Variants in FCHO2 observed in about 807,000 individuals in gnomAD.
FCHO2 encodes FCH and mu domain containing endocytic adaptor 2, also known as F-BAR domain only protein 2.
In FCHO2, 43 loss-of-function variants were observed where a neutral mutation model predicts 114.1. The observed-to-expected ratio is 0.38, with a 90% CI of 0.30 to 0.49. FCHO2 has a LOEUF of 0.49. Ranked by LOEUF, FCHO2 falls within the 20% of genes least tolerant of loss-of-function variation. The pLI, the probability that FCHO2 is intolerant of heterozygous loss-of-function variation, is 0.97. For missense variants in FCHO2, 807 were observed against 950.4 expected (o/e 0.85, Z 1.98); for synonymous variants, 293 against 315.2 (o/e 0.93, Z 0.75).
intron 8 of FCHO2, among the ~76,000 whole-genome samples, chr5:73,030,045 G>T (rs1325435777): frequency 3.4e-4 from 46 of 135,228 alleles, no homozygotes; most frequent in East Asian, 4.3e-4. Flanking sequence ...CTTTCTTTTT[G>T]TTTTTTTTTT....
At chr5:73,069,868 AT>A (rs1742552228) in intron 19 of FCHO2, among the ~76,000 whole-genome samples, 1 of 152,128 alleles carries the variant, frequency 6.6e-6, no homozygotes, top group Non-Finnish European at 1.5e-5. Flanking sequence ...TGTTAGGATA[AT>A]AAAGCACAAA....
chr5:72,996,243 C>CAAAAAAAAAAAAAAAAAAAAAAAAAAAAA, intron 5 of FCHO2, among the ~76,000 whole-genome samples: 1 of 110,982 alleles, frequency 9.0e-6, no homozygotes, highest in Non-Finnish European at 1.8e-5. Context: ...AACTCTGTCT[C>CAAAAAAAAAAAAAAAAAAAAAAAAAAAAA]AAAAAAAAAA....
chr5:73,069,396 T>C (rs1162544187), intron 19 of FCHO2, among the ~76,000 whole-genome samples: 1 of 152,054 alleles, frequency 6.6e-6, no homozygotes, highest in Non-Finnish European at 1.5e-5. Context: ...CTCACCATAG[T>C]GTAGAATCAG....
intron 6 of FCHO2, among the ~76,000 whole-genome samples, chr5:73,012,026 C>T (rs1048899318): frequency 6.6e-6 from 1 of 152,172 alleles, no homozygotes; most frequent in East Asian, 1.9e-4. Flanking sequence ...AAGGATTACA[C>T]TCTAATAATA....
intron 2 of FCHO2, among the ~76,000 whole-genome samples, chr5:72,973,393 C>G (rs937418242): frequency 6.6e-6 from 1 of 152,132 alleles, no homozygotes; most frequent in Non-Finnish European, 1.5e-5. Context: ...TGTTATTGGT[C>G]TATTCAGAGA....
intron 5 of FCHO2, among the ~76,000 whole-genome samples, chr5:73,001,468 AAAAG>A (rs1754433764): frequency 2.6e-5 from 4 of 151,298 alleles, no homozygotes; most frequent in African/African-American, 7.3e-5. Context: ...AAAAAAAAAA[AAAAG>A]AAATGAAAAG....
chr5:73,042,252 T>C (rs576412905), intron 11 of FCHO2, among the ~76,000 whole-genome samples: 4 of 152,278 alleles, frequency 2.6e-5, no homozygotes, highest in African/African-American at 9.6e-5. Flanking sequence ...AGTTACAATG[T>C]TTACCTTACC....
At chr5:73,011,085 A>G (rs562697930) in intron 6 of FCHO2, among the ~76,000 whole-genome samples, 9 of 152,122 alleles carry the variant, frequency 5.9e-5, no homozygotes, top group Non-Finnish European at 1.0e-4. Context: ...AGTAAAAATC[A>G]GTATAAAAGA....
intron 22 of FCHO2, among the ~76,000 whole-genome samples, chr5:73,079,402 T>C (rs958193610): frequency 3.3e-5 from 5 of 152,098 alleles, no homozygotes; most frequent in Admixed American, 2.0e-4. Flanking sequence ...TATCCAGAAA[T>C]AGATCTAAGA....
At chr5:73,051,509 A>G in intron 12 of FCHO2, 103 bp downstream of exon 12, 1 of 674,744 alleles carries the variant, frequency 1.5e-6, no homozygotes, top group Non-Finnish European at 2.4e-6. Context: ...TTTATTAATT[A>G]TAAAATATGG....
chr5:73,074,090 A>C (rs1742801497), intron 19 of FCHO2, among the ~76,000 whole-genome samples: 1 of 151,982 alleles, frequency 6.6e-6, no homozygotes, highest in South Asian at 2.1e-4. Flanking sequence ...CACTTGCATA[A>C]ATTTGTTTAC....
In FCHO2 at chr5:73,068,669, C is replaced by T; in HGVS notation, c.1469C>T (p.Pro490Leu). 1 of 1,611,670 alleles carries T rather than the reference C, an allele frequency of 6.2e-7. No individual in the cohort carries two copies. Among genetic ancestry groups the T allele is most frequent in the Non-Finnish European group, 8.5e-7 (1 of 1,178,564 alleles). Residue 490 changes from proline to leucine, a missense_variant, in exon 19 of 26, where the codon CCT becomes CTT. Physicochemically the swap from Pro to Leu is moderately conservative, Grantham distance 98 (BLOSUM62 -3). Transcript: ENST00000430046. ...TTTAAGCCCAGGCCATTCAGCCCAC[C>T]TGTAACTTCCAACACCAGCCCACCT... Reference protein sequence around the residue: ...INEIPRPFSPPVTSNTSPPPA... With the variant: ...INEIPRPFSPLVTSNTSPPPA...
At chr5:72,957,049 A>G (rs1216874763) in intron 1 of FCHO2, among the ~76,000 whole-genome samples, 1 of 152,130 alleles carries the variant, frequency 6.6e-6, no homozygotes, top group African/African-American at 2.4e-5. Context: ...TAAAGGGGTA[A>G]TCTTTTAGCT....
At chr5:72,979,785 G>A (rs975625935) in intron 2 of FCHO2, among the ~76,000 whole-genome samples, 2 of 152,108 alleles carry the variant, frequency 1.3e-5, no homozygotes, top group African/African-American at 4.8e-5. Flanking sequence ...TGGATCAGTG[G>A]TGATATCCCC....
intron 8 of FCHO2, among the ~76,000 whole-genome samples, chr5:73,022,032 A>G (rs1419766096): frequency 6.6e-6 from 1 of 152,224 alleles, no homozygotes; most frequent in East Asian, 1.9e-4. Context: ...AAGCTAGTAC[A>G]TGGCAGAAAT....
chr5:73,017,360 C>T, intron 8 of FCHO2, 52 bp downstream of exon 8: 1 of 1,172,878 alleles, frequency 8.5e-7, no homozygotes, highest in Middle Eastern at 2.0e-4. Context: ...CATATAGTAA[C>T]TAACATATTT....
intron 22 of FCHO2, 109 bp from the exon 23 acceptor site, chr5:73,081,674 A>G (rs942746790): frequency 1.4e-6 from 1 of 730,834 alleles, no homozygotes; most frequent in Non-Finnish European, 2.1e-6. Context: ...TAGTCCCCTC[A>G]TTAGATATTT....
intron 6 of FCHO2, among the ~76,000 whole-genome samples, chr5:73,015,070 C>T (rs1420683299): frequency 6.2e-5 from 7 of 113,464 alleles, no homozygotes; most frequent in Admixed American, 1.0e-4. Flanking sequence ...AGCAAGACTC[C>T]GTCTCAAAAA....
At chr5:72,988,700 A>G (rs1360747990) in intron 2 of FCHO2, among the ~76,000 whole-genome samples, 1 of 152,224 alleles carries the variant, frequency 6.6e-6, no homozygotes, top group African/African-American at 2.4e-5. Flanking sequence ...GTTTTGTGCA[A>G]ATGACTGTCA....
Sources: gnomAD v4.1 joint callset for allele counts (sites outside exome capture counted in the v4.1 genomes callset) on GRCh38, gnomAD v4.1.1 for gene constraint, MANE v1.5 for transcripts, NCBI Gene and HGNC (gene_info 2026-07-23, HGNC 2026-07-21) for gene names.